SARDH: variants seen among roughly 807,000 people sequenced by gnomAD.
SARDH encodes the protein sarcosine dehydrogenase, mitochondrial.
SARDH carries 95 observed loss-of-function variants against 109.1 expected under a neutral mutation model. That is an observed-to-expected ratio of 0.87 (90% CI 0.74 to 1.03). The LOEUF (loss-of-function observed/expected upper bound fraction) is 1.03. Among genes scored for constraint, SARDH ranks in the 50% least tolerant of loss-of-function variants. SARDH has a pLI of 0.00. For synonymous variants in SARDH, 572 were observed against 534.8 expected, an observed-to-expected ratio of 1.07 and a Z score of -0.96; for missense variants, 1,267 against 1,287.8, an observed-to-expected ratio of 0.98 and a Z score of 0.25.
At chr9:133,713,229 TC>T in intron 8 of SARDH, 105 bp from the exon 9 acceptor site, 2 of 909,314 alleles carry the variant, frequency 2.2e-6, no homozygotes, top group Non-Finnish European at 3.4e-6. Flanking sequence ...CAGGGGCCCC[TC>T]CACCCAACCC....
At chr9:133,719,735 G>A (rs1297038919) in intron 6 of SARDH, among the ~76,000 whole-genome samples, 1 of 146,314 alleles carries the variant, frequency 6.8e-6, no homozygotes, top group Non-Finnish European at 1.5e-5. Flanking sequence ...AAAAGCGAAA[G>A]GCTTGCCGCC....
chr9:133,679,931 T>G (rs916414580), intron 17 of SARDH, among the ~76,000 whole-genome samples: 2 of 152,216 alleles, frequency 1.3e-5, no homozygotes, highest in Non-Finnish European at 2.9e-5. Context: ...AACCCAGAGG[T>G]TCCGCTGACT....
intron 17 of SARDH, among the ~76,000 whole-genome samples, chr9:133,681,548 G>T (rs1287239291): frequency 6.6e-6 from 1 of 152,200 alleles, no homozygotes; most frequent in Non-Finnish European, 1.5e-5. Context: ...CCCATCGAGG[G>T]AAGGAGCCAC....
chr9:133,660,540 C>T (rs988674404), downstream of SARDH, among the ~76,000 whole-genome samples: 1 of 152,204 alleles, frequency 6.6e-6, no homozygotes, highest in African/African-American at 2.4e-5. Flanking sequence ...TCTGGGCTCG[C>T]CCACCTTCCG....
rs1831137927 is a variant in SARDH at position 133,692,567 on chromosome 9, G to A, written c.1921+1691C>T. On this transcript the variant is annotated intron_variant, in intron 15 of 20. Transcript: ENST00000439388. This position sits in a 1 kb window ranked among gnomAD's most constrained non-coding sequence, Gnocchi z 5.0. ...GAAGCCTTGCTCATCCCGGCTCGGC[G>A]GCTTCACATGGCCTTCCCTAACACC... is the stretch of plus-strand genomic sequence containing the variant. Among the ~76,000 whole-genome samples the A allele has an allele frequency of 2.0e-5, 3 of 152,058 alleles. No homozygotes were observed. The highest frequency in any genetic ancestry group is 2.9e-5 in the Non-Finnish European group (2 of 67,998).
At chr9:133,730,479 AAAG>A (rs1832642522) in intron 4 of SARDH, among the ~76,000 whole-genome samples, 1 of 150,756 alleles carries the variant, frequency 6.6e-6, no homozygotes, top group Non-Finnish European at 1.5e-5. Flanking sequence ...TTAAAAAAAA[AAAG>A]CAAGATATTT....
Position 133,718,047 on chromosome 9 carries a change from T to A in SARDH, c.1021-592A>T, listed in dbSNP as rs1832191955. On this transcript the variant is annotated intron_variant, in intron 7 of 20. Transcript: ENST00000439388. This position sits in a 1 kb window ranked among gnomAD's most constrained non-coding sequence, Gnocchi z 4.2. ...GCTAATTTTATTCAGTGCGCGATCA[T>A]CTTCCAGAATTTCATTCCTTGTTCA... Among the ~76,000 whole-genome samples, 1 of 152,210 alleles carries A rather than the reference T, an allele frequency of 6.6e-6. No homozygotes were observed.
intron 13 of SARDH, among the ~76,000 whole-genome samples, chr9:133,697,713 T>C (rs894221377): frequency 6.6e-6 from 1 of 152,088 alleles, no homozygotes; most frequent in African/African-American, 2.4e-5. Flanking sequence ...TTGACAAAAT[T>C]CACCCGTTCA....
rs1013270992 is a variant in SARDH at position 133,694,287 on chromosome 9, T to C, written c.1892A>G (p.Gln631Arg). The change falls in exon 15 of 21, where the codon CAG becomes CGG. Residue 631 changes from glutamine (Q) to arginine (R), a missense_variant. Gln to Arg is a conservative substitution (Grantham distance 43). Coordinates refer to ENST00000439388, the MANE Select transcript of SARDH (RefSeq NM_001134707.2). ...LTVSRLAPSH[Q>R]ASPLAPAFEG... is the part of the protein sequence containing the mutation. ...AAAGGCGGGGGCCAGCGGGGAGGCC[T>C]GGTGGCTGGGTGCCAGGCGGCTGAC... 62 of 1,550,126 alleles carry C rather than the reference T, an allele frequency of 4.0e-5. No homozygotes were observed. The highest frequency in any genetic ancestry group is 5.2e-5 in the Non-Finnish European group (60 of 1,146,808).
At chr9:133,663,372 G>A (rs1283288085), downstream of SARDH, among the ~76,000 whole-genome samples, 3 of 152,232 alleles carry the variant, frequency 2.0e-5, no homozygotes, top group South Asian at 4.1e-4. Flanking sequence ...CCTGAGAGCC[G>A]AGAGGCACCA....
In SARDH at chr9:133,704,284, C is replaced by T. The variant is rs1050341560; in HGVS notation, c.1554+664G>A. ...GGTGCACCAGAGGGGACTGGTGAGA[C>T]GCAGCCCCGGGAAGGGGATTTCGAT... On this transcript the variant is annotated intron_variant, in intron 12 of 20. Coordinates refer to ENST00000439388, the MANE Select transcript of SARDH (RefSeq NM_001134707.2). The surrounding 1 kb of genome is among the most constrained non-coding windows in gnomAD (Gnocchi z 4.5). 1.3e-5 allele frequency among the ~76,000 whole-genome samples: 2 copies of T among 152,144 alleles called. No individual in the cohort carries two copies. The highest frequency in any genetic ancestry group is 4.8e-5 in the African/African-American group (2 of 41,442).
intron 17 of SARDH, 74 bp from the exon 18 acceptor site, chr9:133,671,771 G>C: frequency 6.7e-7 from 1 of 1,485,250 alleles, no homozygotes; most frequent in Non-Finnish European, 9.0e-7. Flanking sequence ...ACCACTTCCT[G>C]GTGGCAGCTC....
At chr9:133,659,826 G>T (rs980526470), downstream of SARDH, among the ~76,000 whole-genome samples, 1 of 152,130 alleles carries the variant, frequency 6.6e-6, no homozygotes, top group Non-Finnish European at 1.5e-5. Flanking sequence ...TTACAGCCTA[G>T]GTGACAGTAG....
intron 20 of SARDH, 131 bp from the exon 21 acceptor site, chr9:133,664,145 G>T: frequency 1.6e-6 from 2 of 1,256,518 alleles, no homozygotes; most frequent in South Asian, 1.5e-5. Context: ...CTGTGCCAGG[G>T]ACTCCTTTCT....
rs1830791122 is a variant in SARDH at position 133,683,991 on chromosome 9, C to T, written c.2163+1202G>A. Among the ~76,000 whole-genome samples, 6 of 152,354 alleles carry T rather than the reference C, an allele frequency of 3.9e-5. No homozygotes were observed. The South Asian group carries it at 1.2e-3, about 32-fold the overall frequency. On this transcript the variant is annotated intron_variant, in intron 17 of 20. Coordinates refer to ENST00000439388, the MANE Select transcript of SARDH (RefSeq NM_001134707.2). ...GGCGGCCCTGAGCAGCCTGGCCCAT[C>T]CAGCCTCTCTGAGCTCCATCTGGGT...
chr9:133,696,313 T>C lies in SARDH; in HGVS notation c.1717A>G (p.Met573Val), dbSNP rs773721888. ...AGGTAGAACTTCCCGAAGTAGGACATGTCAAACACAGCGGCGGCCCCTCTG... is the reference window on the plus strand; with the variant it reads ...AGGTAGAACTTCCCGAAGTAGGACACGTCAAACACAGCGGCGGCCCCTCTG... Reference protein sequence around the residue: ...ACRGAAAVFDMSYFGKFYLVG... With the variant: ...ACRGAAAVFDVSYFGKFYLVG... The change falls in exon 14 of 21, where the codon ATG becomes GTG. Residue 573 changes from methionine (M) to valine (V), a missense_variant. By Grantham distance (21) the Met-to-Val change is conservative. Transcript: ENST00000439388. 1.5e-5 allele frequency: 24 copies of C among 1,614,034 alleles called. No individual in the cohort carries two copies. The Admixed American group carries it at 3.8e-4, about 26-fold the overall frequency.
In SARDH at chr9:133,692,063, G is replaced by A. The variant is rs1564257293; in HGVS notation, c.1922-1536C>T. Among the ~76,000 whole-genome samples, 1 of 152,144 alleles carries A rather than the reference G, an allele frequency of 6.6e-6. No homozygotes were observed. The highest frequency in any genetic ancestry group is 1.5e-5 in the Non-Finnish European group (1 of 68,018). The stretch of plus-strand genomic sequence containing the variant: ...ACAGCTTCCCCTTATGAGGGGGGAC[G>A]AGCAAGGTCCTCATTCCCCAGCCAG... On this transcript the variant is annotated intron_variant, in intron 15 of 20. Coordinates refer to ENST00000439388, the MANE Select transcript of SARDH (RefSeq NM_001134707.2). This position sits in a 1 kb window ranked among gnomAD's most constrained non-coding sequence, Gnocchi z 5.0.
At position 133,705,098 on chromosome 9, in the gene SARDH, C is replaced by CTGTTT. The variant is rs1831640859; in HGVS notation, c.1471-68_1471-67insAAACA. 3 of 1,449,078 alleles carry CTGTTT rather than the reference C, an allele frequency of 2.1e-6. No individual in the cohort carries two copies. The South Asian group carries it at 3.7e-5, about 18-fold the overall frequency. 89.8% of individuals were successfully genotyped at this position (1,449,078 alleles called of 1,614,324 possible). A position where few individuals can be genotyped will look rare whatever the true frequency, so the allele number is the denominator to read the frequency against. ...GATACCCCTGCGCAGGGCAGAGAGCCACATCCGCCACTTTACACCCAAGGG... is the reference window on the plus strand; with the variant it reads ...GATACCCCTGCGCAGGGCAGAGAGCCTGTTTACATCCGCCACTTTACACCCAAGGG... On this transcript the variant is annotated intron_variant, in intron 11 of 20. Coordinates refer to ENST00000439388, the MANE Select transcript of SARDH (RefSeq NM_001134707.2).
chr9:133,662,928 G>A (rs543430009), downstream of SARDH, among the ~76,000 whole-genome samples: 47 of 152,354 alleles, frequency 3.1e-4, no homozygotes, highest in Non-Finnish European at 5.7e-4. This position sits in a 1 kb window ranked among gnomAD's most constrained non-coding sequence, Gnocchi z 5.1. Flanking sequence ...GAGAGGCAGA[G>A]CTGCTTCTGA....
Sources: allele counts gnomAD v4.1 joint callset (sites outside exome capture counted in the v4.1 genomes callset), GRCh38; gene constraint gnomAD v4.1.1; non-coding constraint Gnocchi (gnomAD v3.1); transcripts MANE v1.5; gene names NCBI Gene and HGNC (gene_info 2026-07-23, HGNC 2026-07-21).